RBFOX1: variants seen among roughly 807,000 people sequenced by gnomAD.
RBFOX1 encodes RNA binding protein fox-1 homolog 1.
A neutral mutation model predicts 57.7 loss-of-function variants in RBFOX1; 8 were observed. The ratio of observed to expected loss-of-function variants is 0.14; its 90% confidence interval spans 0.08 to 0.25. The LOEUF is 0.25. Ranked by LOEUF, RBFOX1 falls within the 10% of genes least tolerant of loss-of-function variation. The pLI, the probability that RBFOX1 is intolerant of heterozygous loss-of-function variation, is 1.00. For missense variants in RBFOX1, 611 were observed against 548.5 expected (o/e 1.11, Z -1.14); for synonymous variants, 326 against 222.4 (o/e 1.47, Z -4.15).
intron 1 of RBFOX1, among the ~76,000 whole-genome samples, chr16:5,266,363 C>A (rs765151416): frequency 2.6e-5 from 4 of 152,042 alleles, no homozygotes; most frequent in Non-Finnish European, 5.9e-5. Context: ...TGCCTAATGT[C>A]CCCCGGGGGC....
chr16:7,205,849 G>A (rs1440113736), intron 4 of RBFOX1, among the ~76,000 whole-genome samples: 1 of 152,234 alleles, frequency 6.6e-6, no homozygotes, highest in African/African-American at 2.4e-5. Context: ...TAATTACTGA[G>A]GAGCCAATTG....
At chr16:5,742,407 A>G (rs890900070) in intron 3 of RBFOX1, among the ~76,000 whole-genome samples, 2 of 151,108 alleles carry the variant, frequency 1.3e-5, no homozygotes, top group Non-Finnish European at 2.9e-5. Flanking sequence ...TGTTAGAACA[A>G]CTTTTGTGAG....
intron 3 of RBFOX1, among the ~76,000 whole-genome samples, chr16:5,820,915 C>T (rs1466955937): frequency 1.3e-5 from 2 of 152,186 alleles, no homozygotes; most frequent in Non-Finnish European, 2.9e-5. Flanking sequence ...TCAGGCTCCA[C>T]AATGCCACAC....
chr16:7,001,113 C>T, intron 3 of RBFOX1, among the ~76,000 whole-genome samples: 1 of 152,088 alleles, frequency 6.6e-6, no homozygotes, highest in Non-Finnish European at 1.5e-5. Context: ...ATAGGGGCAT[C>T]TGTATCTTCC....
intron 2 of RBFOX1, among the ~76,000 whole-genome samples, chr16:6,561,476 T>A (rs2097178486): frequency 6.6e-6 from 1 of 152,200 alleles, no homozygotes; most frequent in South Asian, 2.1e-4. Context: ...ACCTTCCCTG[T>A]TGTTAGTCTA....
In RBFOX1 at chr16:7,135,065, T is replaced by G. The variant is rs994834689; in HGVS notation, c.27+82967T>G. Among the ~76,000 whole-genome samples the G allele has an allele frequency of 7.9e-5, 12 of 152,312 alleles. No homozygotes were observed. In the East Asian group the frequency reaches 1.2e-3, roughly 15 times the overall value. ...TAAAATAAAACAAAATAAAGAAGGT[T>G]TTAAAACTTCACATTTGGTAAAACT... On this transcript the variant is annotated intron_variant, in intron 4 of 15. Transcript: ENST00000550418.
chr16:7,038,184 G>C (rs999097108), intron 3 of RBFOX1, among the ~76,000 whole-genome samples: 1 of 151,660 alleles, frequency 6.6e-6, no homozygotes, highest in Non-Finnish European at 1.5e-5. Context: ...TGGCTATAGG[G>C]TAACGATGGT....
chr16:7,530,202 C>A (rs563435980), intron 5 of RBFOX1, among the ~76,000 whole-genome samples: 5 of 152,102 alleles, frequency 3.3e-5, no homozygotes, highest in African/African-American at 9.7e-5. Context: ...AGAAAGTGAC[C>A]TGCCTGAGTC....
At chr16:6,489,834 C>G (rs1012503452) in intron 2 of RBFOX1, among the ~76,000 whole-genome samples, 1 of 152,144 alleles carries the variant, frequency 6.6e-6, no homozygotes, top group African/African-American at 2.4e-5. Context: ...AAAAAAGCCA[C>G]CAAAGGGAAA....
rs759893956 is a variant in RBFOX1 at position 7,128,818 on chromosome 16, CTT to C, written c.27+76740_27+76741del. Among the ~76,000 whole-genome samples the C allele has an allele frequency of 9.0e-3, 1,138 of 126,902 alleles. 13 individuals are homozygous for C. Among genetic ancestry groups the C allele is most frequent in the African/African-American group, 0.025 (843 of 33,356 alleles). The allele number at this position is 126,902 out of a possible 152,430, so 83.3% of individuals were successfully genotyped here. On this transcript the variant is annotated intron_variant, in intron 4 of 15. Transcript: ENST00000550418. The stretch of plus-strand genomic sequence containing the variant: ...TAATGGTAACTTTTTTTTCTTTTTA[CTT>C]TTTTTTTTTTTTTTTTTTTAAGACG...
At chr16:5,581,716 G>T (rs909575994) in intron 2 of RBFOX1, among the ~76,000 whole-genome samples, 36 of 152,274 alleles carry the variant, frequency 2.4e-4, no homozygotes, top group Non-Finnish European at 4.3e-4. Flanking sequence ...GACAGCTGAT[G>T]CAAGGGTCAA....
At chr16:6,271,622 C>G (rs1265876424) in intron 1 of RBFOX1, among the ~76,000 whole-genome samples, 3 of 152,150 alleles carry the variant, frequency 2.0e-5, no homozygotes, top group South Asian at 4.1e-4. Flanking sequence ...GGGAATATCA[C>G]TACAGACTTT....
At chr16:5,737,413 G>C (rs2151580316) in intron 3 of RBFOX1, among the ~76,000 whole-genome samples, 1 of 152,234 alleles carries the variant, frequency 6.6e-6, no homozygotes, top group Non-Finnish European at 1.5e-5. Flanking sequence ...TTGAACCTAG[G>C]AGGTGGAGGT....
At chr16:6,984,632 C>T (rs76518478) in intron 3 of RBFOX1, among the ~76,000 whole-genome samples, 1 of 151,940 alleles carries the variant, frequency 6.6e-6, no homozygotes, top group African/African-American at 2.4e-5. Context: ...TACCACATGC[C>T]TTCTTTACTT....
At chr16:5,345,848 G>A (rs2065127506) in intron 1 of RBFOX1, among the ~76,000 whole-genome samples, 1 of 152,182 alleles carries the variant, frequency 6.6e-6, no homozygotes, top group Admixed American at 6.5e-5. Flanking sequence ...TGATGCTGAT[G>A]GCCCGTTAGT....
At chr16:6,401,197 G>A (rs1567197135) in intron 2 of RBFOX1, among the ~76,000 whole-genome samples, 1 of 152,140 alleles carries the variant, frequency 6.6e-6, no homozygotes, top group African/African-American at 2.4e-5. Flanking sequence ...AATGATGGGA[G>A]CATGTCCAAA....
At chr16:7,525,380 T>TAGGTAC (rs2152308410) in intron 5 of RBFOX1, among the ~76,000 whole-genome samples, 1 of 152,310 alleles carries the variant, frequency 6.6e-6, no homozygotes, top group African/African-American at 2.4e-5. Context: ...GCACTGTTGA[T>TAGGTAC]ATTTACCATC....
At chr16:6,965,562 C>T (rs893568042) in intron 3 of RBFOX1, among the ~76,000 whole-genome samples, 1 of 152,118 alleles carries the variant, frequency 6.6e-6, no homozygotes, top group Admixed American at 6.5e-5. Flanking sequence ...GTGTCAAACT[C>T]CGGACCTCAA....
intron 4 of RBFOX1, among the ~76,000 whole-genome samples, chr16:7,224,828 A>G (rs1369888133): frequency 6.6e-6 from 1 of 152,124 alleles, no homozygotes; most frequent in Non-Finnish European, 1.5e-5. Flanking sequence ...AGAAATGCAG[A>G]CTGTTATGTT....
Sources: gnomAD v4.1 joint callset for allele counts (sites outside exome capture counted in the v4.1 genomes callset) on GRCh38, gnomAD v4.1.1 for gene constraint, MANE v1.5 for transcripts, NCBI Gene and HGNC (gene_info 2026-07-23, HGNC 2026-07-21) for gene names.